The following FLOT1 variants were observed in gnomAD, a reference collection of about 807,000 sequenced individuals.
The protein encoded by FLOT1 is flotillin 1.
In FLOT1, 40 loss-of-function variants were observed where a neutral mutation model predicts 58.4. The ratio of observed to expected loss-of-function variants is 0.69; its 90% CI spans 0.53 to 0.89. The LOEUF is 0.89. FLOT1 is among the 40% of genes least tolerant of loss of function. FLOT1 has a pLI of 0.00. For missense variants in FLOT1, 423 were observed against 540.8 expected (o/e 0.78, Z 2.16); for synonymous variants, 178 against 204.2 (o/e 0.87, Z 1.09).
Position 30,737,214 on chromosome 6 carries a change from G to GTCCA in FLOT1, c.723+2943_723+2944insTGGA, listed in dbSNP as rs1162904792. On this transcript the variant is annotated intron_variant, in intron 8 of 12. Transcript: ENST00000376389. This position sits in a 1 kb window ranked among gnomAD's most constrained non-coding sequence, Gnocchi z 4.4. ...CTGACTGACTGACTGTCTGTCGTCC[G>GTCCA]TCCGTCCGTCCGTCCGTCCGTCCGT... Among the ~76,000 whole-genome samples, 2 of 78,228 alleles carry GTCCA rather than the reference G, an allele frequency of 2.6e-5. No homozygotes were observed. The highest frequency in any genetic ancestry group is 5.1e-4 in the South Asian group (1 of 1,944). 51.3% of individuals were successfully genotyped at this position (78,228 alleles called of 152,430 possible).
chr6:30,741,985 C>T lies in FLOT1; in HGVS notation c.44-118G>A. ...GAGAATCTGGGAGCTGGAGGGGAAG[C>T]AGTCTGGGCCTTGGAATGGTGGGAA... On this transcript the variant is annotated intron_variant, in intron 2 of 12. Coordinates refer to ENST00000376389, the MANE Select transcript of FLOT1 (RefSeq NM_005803.4). The surrounding 1 kb of genome is among the most constrained non-coding windows in gnomAD (Gnocchi z 5.9). 8.5e-7 allele frequency: 1 copy of T among 1,176,666 alleles called. No homozygotes were observed. Among genetic ancestry groups the T allele is most frequent in the Non-Finnish European group, 1.2e-6 (1 of 801,044 alleles). The allele number at this position is 1,176,666 out of a possible 1,614,324, so 72.9% of individuals were successfully genotyped here.
intron 9 of FLOT1, 81 bp downstream of exon 9, chr6:30,730,838 A>C: frequency 6.3e-7 from 1 of 1,599,324 alleles, no homozygotes; most frequent in Non-Finnish European, 8.6e-7. Context: ...ATAGGAGTCC[A>C]GGTGGTGAAG....
intron 8 of FLOT1, among the ~76,000 whole-genome samples, chr6:30,734,046 G>GAAAAA (rs796499603): frequency 2.0e-5 from 1 of 48,804 alleles, no homozygotes; most frequent in Non-Finnish European, 4.1e-5. Flanking sequence ...CCCTGTCTCT[G>GAAAAA]AAAAAAAAAA....
In FLOT1 at chr6:30,741,491, G is replaced by A. The variant is rs573817517; in HGVS notation, c.210+123C>T. Reference sequence around the variant, plus strand: ...GCCTTGGGGTGCCTGGAAAAGATGAGACTAGCAGAGGAACTTCTCTGCAGG... The same window carrying A: ...GCCTTGGGGTGCCTGGAAAAGATGAAACTAGCAGAGGAACTTCTCTGCAGG... On this transcript the variant is annotated intron_variant, in intron 4 of 12. Coordinates refer to ENST00000376389, the MANE Select transcript of FLOT1 (RefSeq NM_005803.4). This position sits in a 1 kb window ranked among gnomAD's most constrained non-coding sequence, Gnocchi z 5.9. The A allele has an allele frequency of 1.4e-5, 17 of 1,248,810 alleles. No individual in the cohort carries two copies. The highest frequency in any genetic ancestry group is 1.9e-5 in the Non-Finnish European group (16 of 864,546). The allele number at this position is 1,248,810 out of a possible 1,614,324, so 77.4% of individuals were successfully genotyped here.
intron 11 of FLOT1, 85 bp from the exon 12 acceptor site, chr6:30,730,271 G>A (rs1264515427): frequency 7.8e-6 from 12 of 1,532,214 alleles, no homozygotes; most frequent in South Asian, 3.5e-5. Context: ...TAAGGTCCTC[G>A]TTCCACTGAT....
chr6:30,734,476 T>G (rs1777427837), intron 8 of FLOT1, among the ~76,000 whole-genome samples: 5 of 151,068 alleles, frequency 3.3e-5, no homozygotes, highest in Admixed American at 2.6e-4. Context: ...GCCTGGCTAA[T>G]TTTTTGTATT....
intron 9 of FLOT1, 74 bp downstream of exon 9, chr6:30,730,845 G>A: frequency 3.7e-6 from 6 of 1,600,680 alleles, no homozygotes; most frequent in Non-Finnish European, 4.3e-6. Context: ...TCCAGGTGGT[G>A]AAGGCTTCAG....
intron 7 of FLOT1, 37 bp from the exon 8 acceptor site, chr6:30,740,347 AG>A (rs1562193970): frequency 6.2e-7 from 1 of 1,611,170 alleles, no homozygotes; most frequent in Non-Finnish European, 8.5e-7. Context: ...ATGTCAGGGC[AG>A]GGGGAGAAAG....
At position 30,742,408 on chromosome 6, in the gene FLOT1, C is replaced by T. The variant is rs1778072560; in HGVS notation, c.-15+119G>A. ...CCTCTTCTCCGCCTGCGTATGGTCCCTCCCTTCCCCTCGCCGCTCCCTTTG... is the reference window on the plus strand; with the variant it reads ...CCTCTTCTCCGCCTGCGTATGGTCCTTCCCTTCCCCTCGCCGCTCCCTTTG... On this transcript the variant is annotated intron_variant, in intron 1 of 12. Coordinates refer to ENST00000376389, the MANE Select transcript of FLOT1 (RefSeq NM_005803.4). The surrounding 1 kb of genome is among the most constrained non-coding windows in gnomAD (Gnocchi z 5.2). 1.7e-6 allele frequency: 1 copy of T among 601,500 alleles called. No homozygotes were observed. Among genetic ancestry groups the T allele is most frequent in the Non-Finnish European group, 3.0e-6 (1 of 334,274 alleles). 37.3% of individuals were successfully genotyped at this position (601,500 alleles called of 1,614,324 possible). A position where few individuals can be genotyped will look rare whatever the true frequency, so the allele number is the denominator to read the frequency against.
At chr6:30,740,833 A>ATTT in intron 5 of FLOT1, 35 bp from the exon 6 acceptor site, 4 of 1,299,048 alleles carry the variant, frequency 3.1e-6, no homozygotes, top group Non-Finnish European at 3.1e-6. Flanking sequence ...AAGGGATGTA[A>ATTT]GTTTTTTTTT....
chr6:30,739,037 T>C (rs1777774617), intron 8 of FLOT1, among the ~76,000 whole-genome samples: 1 of 152,202 alleles, frequency 6.6e-6, no homozygotes, highest in African/African-American at 2.4e-5. Flanking sequence ...CAGATACGAA[T>C]AATGAAGAAT....
Position 30,730,533 on chromosome 6 carries a change from C to T in FLOT1, c.984G>A (p.Gly328=). 1.2e-6 allele frequency: 2 copies of T among 1,611,552 alleles called. No individual in the cohort carries two copies. Among genetic ancestry groups the T allele is most frequent in the Non-Finnish European group, 8.5e-7 (1 of 1,178,028 alleles). Residue 328 remains glycine (G), a synonymous_variant, in exon 11 of 13, where the codon GGG becomes GGA. Coordinates refer to ENST00000376389, the MANE Select transcript of FLOT1 (RefSeq NM_005803.4). ...MRGEAEAFAI[G]ARARAEAEQM... ...GCTCAGCCTCGGCTCGGGCTCGGGC[C>T]CCTATGGCAAAGGCCTCAGCTTCCC... is the stretch of plus-strand genomic sequence containing the variant.
At chr6:30,736,068 A>G (rs1370917222) in intron 8 of FLOT1, among the ~76,000 whole-genome samples, 1 of 152,026 alleles carries the variant, frequency 6.6e-6, no homozygotes, top group East Asian at 1.9e-4. Context: ...CCTGGGCAAC[A>G]TGGTGAAATT....
rs147097423 is a variant in FLOT1, at chr6:30,730,508, G to T, written c.1009C>A (p.Gln337Lys). ...AAGGCTTCTGCCTTCTTGGCCATCT[G>T]CTCAGCCTCGGCTCGGGCTCGGGCC... is the stretch of plus-strand genomic sequence containing the variant. The part of the protein sequence containing the change: ...IGARARAEAE[Q>K]MAKKAEAFQL... The change falls in exon 11 of 13, where the codon CAG becomes AAG. Residue 337 changes from glutamine to lysine, a missense_variant. Physicochemically the swap from Gln to Lys is moderately conservative, Grantham distance 53. This residue lies in a region of FLOT1 where 42 missense variants were observed against 74.4 expected (regional missense o/e 0.56). Coordinates refer to ENST00000376389, the MANE Select transcript of FLOT1 (RefSeq NM_005803.4). 6.2e-7 allele frequency: 1 copy of T among 1,610,230 alleles called. No homozygotes were observed. Among genetic ancestry groups the T allele is most frequent in the African/African-American group, 1.3e-5 (1 of 74,868 alleles).
intron 8 of FLOT1, 108 bp downstream of exon 8, chr6:30,740,050 A>T: frequency 9.2e-7 from 1 of 1,090,108 alleles, no homozygotes. Context: ...ATGGAGAGCC[A>T]GAATAAGACC....
intron 8 of FLOT1, among the ~76,000 whole-genome samples, chr6:30,734,046 G>GA (rs796499603): frequency 0.11 from 5,541 of 48,682 alleles, 801 homozygotes; most frequent in Non-Finnish European, 0.16. Flanking sequence ...CCCTGTCTCT[G>GA]AAAAAAAAAA....
chr6:30,730,827 C>T, intron 9 of FLOT1, 92 bp downstream of exon 9: 1 of 1,603,394 alleles, frequency 6.2e-7, no homozygotes, highest in South Asian at 1.1e-5. Flanking sequence ...ACCTGAAATC[C>T]ATAGGAGTCC....
At chr6:30,728,432 T>C (rs1189972364) in intron 12 of FLOT1, among the ~76,000 whole-genome samples, 3 of 152,084 alleles carry the variant, frequency 2.0e-5, no homozygotes, top group East Asian at 3.9e-4. Flanking sequence ...TTGAAGGTCA[T>C]TGGTATGATC....
At position 30,730,677 on chromosome 6, in the gene FLOT1, C is replaced by G; in HGVS notation, c.951+5G>C. 6.2e-7 allele frequency: 1 copy of G among 1,613,724 alleles called. No homozygotes were observed. Among genetic ancestry groups the G allele is most frequent in the Non-Finnish European group, 8.5e-7 (1 of 1,180,042 alleles). On this transcript the variant is annotated splice_donor_5th_base_variant and intron_variant, in intron 10 of 12. Transcript: ENST00000376389. ...AAGCCAGCATGGAACTGCCTCTTAA[C>G]TCACCCGCACAGACGCGGCTTCTGC... is the stretch of plus-strand genomic sequence containing the variant.
Sources: allele counts gnomAD v4.1 joint callset (sites outside exome capture counted in the v4.1 genomes callset), GRCh38; gene constraint gnomAD v4.1.1; regional missense constraint gnomAD v4.1.1; non-coding constraint Gnocchi (gnomAD v3.1); transcripts MANE v1.5; gene names NCBI Gene and HGNC (gene_info 2026-07-23, HGNC 2026-07-21).